Variants in DNAH5 observed in about 807,000 individuals in gnomAD.
DNAH5 encodes axonemal beta dynein heavy chain 5.
In DNAH5, 372 loss-of-function variants were observed where a neutral mutation model predicts 518.2. The ratio of observed to expected loss-of-function variants is 0.72; its 90% CI spans 0.66 to 0.78. The LOEUF is 0.78. DNAH5 is among the 30% of genes least tolerant of loss of function. The pLI, the probability that DNAH5 is intolerant of heterozygous loss-of-function variation, is 0.00. For missense variants in DNAH5, 5,523 were observed against 5,687.0 expected, an observed-to-expected ratio of 0.97 and a Z score of 0.93; for synonymous variants, 2,039 against 2,025.9, an observed-to-expected ratio of 1.01 and a Z score of -0.17.
At chr5:13,769,413 G>C in intron 57 of DNAH5, 88 bp downstream of exon 57, 1 of 1,091,708 alleles carries the variant, frequency 9.2e-7, no homozygotes, top group Non-Finnish European at 1.4e-6. Flanking sequence ...TACTTCACTA[G>C]TTATAGCCAG....
intron 43 of DNAH5, among the ~76,000 whole-genome samples, chr5:13,813,372 TA>T (rs1760972199): frequency 6.6e-6 from 1 of 151,170 alleles, no homozygotes; most frequent in African/African-American, 2.4e-5. Context: ...GGAAAAATCA[TA>T]TATATACATT....
chr5:13,962,896 T>G (rs189277), intron 1 of DNAH5, among the ~76,000 whole-genome samples: 6,713 of 152,124 alleles, frequency 0.044, 483 homozygotes, highest in African/African-American at 0.15. Context: ...AAAGACAAAC[T>G]GTCCCGGCAG....
At chr5:13,864,693 G>A in intron 27 of DNAH5, 56 bp from the exon 28 acceptor site, 1 of 1,587,414 alleles carries the variant, frequency 6.3e-7, no homozygotes. Context: ...GACATCACTG[G>A]ACCAAGACGG....
chr5:13,775,634 C>T (rs1753980143), intron 55 of DNAH5, among the ~76,000 whole-genome samples: 1 of 152,206 alleles, frequency 6.6e-6, no homozygotes, highest in African/African-American at 2.4e-5. Flanking sequence ...TCAGTTTCTC[C>T]TTCTCTAAAG....
chr5:13,718,980 G>A lies in DNAH5; in HGVS notation c.12401C>T (p.Ala4134Val), dbSNP rs30168. 0.42 allele frequency: 679,319 copies of A among 1,613,326 alleles called. 144,576 individuals are homozygous for A. The highest frequency in any genetic ancestry group is 0.54 in the African/African-American group (40,064 of 74,884). Residue 4134 changes from alanine (A) to valine (V), a missense_variant, in exon 72 of 79, where the codon GCT becomes GTT. Physicochemically the swap from Ala to Val is moderately conservative, Grantham distance 64. Coordinates refer to ENST00000265104, the MANE Select transcript of DNAH5 (RefSeq NM_001369.3). ...DAFRLWMTTEAHKQFPITLLQ... is the reference protein window; with the variant it reads ...DAFRLWMTTEVHKQFPITLLQ... ...GAGTGTAATGGGAAACTGCTTATGAGCCTCGGTGGTCATCCAGAGGCGGAA... is the reference window on the plus strand; with the variant it reads ...GAGTGTAATGGGAAACTGCTTATGAACCTCGGTGGTCATCCAGAGGCGGAA...
chr5:13,873,733 T>G (rs942250572), intron 22 of DNAH5, among the ~76,000 whole-genome samples: 5 of 152,160 alleles, frequency 3.3e-5, no homozygotes, highest in Non-Finnish European at 7.3e-5. Context: ...ACTCCTGGCT[T>G]CAAGTGATCC....
chr5:13,927,076 A>G (rs1214977470), intron 3 of DNAH5, among the ~76,000 whole-genome samples: 1 of 152,094 alleles, frequency 6.6e-6, no homozygotes, highest in Non-Finnish European at 1.5e-5. Flanking sequence ...GGATGTATAT[A>G]ATATTTTAAT....
chr5:13,846,345 TA>T lies in DNAH5; in HGVS notation c.5115-1353del, dbSNP rs374961531. Among the ~76,000 whole-genome samples the T allele has an allele frequency of 3.5e-3, 533 of 152,268 alleles. 4 individuals are homozygous for T. Among genetic ancestry groups the T allele is most frequent in the African/African-American group, 0.012 (500 of 41,546 alleles). ...GTTCACTTCTTTGTGAACATTGTATTATTTCCTGTGTAAAATTATAAGGAAA... is the reference window on the plus strand; with the variant it reads ...GTTCACTTCTTTGTGAACATTGTATTTTTCCTGTGTAAAATTATAAGGAAA... On this transcript the variant is annotated intron_variant, in intron 31 of 78. Transcript: ENST00000265104.
At chr5:13,750,601 T>C (rs969175489) in intron 65 of DNAH5, among the ~76,000 whole-genome samples, 1 of 152,196 alleles carries the variant, frequency 6.6e-6, no homozygotes, top group Non-Finnish European at 1.5e-5. Flanking sequence ...AGGGCTCTCT[T>C]AGATCACAAA....
chr5:13,977,623 G>T (rs1393732865), intron 1 of DNAH5, among the ~76,000 whole-genome samples: 7 of 151,854 alleles, frequency 4.6e-5, no homozygotes, highest in African/African-American at 1.7e-4. Context: ...TGCCTCACTG[G>T]TTCACTGCCA....
chr5:13,792,116 T>A lies in DNAH5; in HGVS notation c.8326A>T (p.Met2776Leu). 3.1e-6 allele frequency: 5 copies of A among 1,614,072 alleles called. No individual in the cohort carries two copies. Among genetic ancestry groups the A allele is most frequent in the Non-Finnish European group, 4.2e-6 (5 of 1,179,986 alleles). The change falls in exon 50 of 79, where the codon ATG (methionine) becomes TTG (leucine). Residue 2776 changes from methionine to leucine, a missense_variant. Met to Leu is a conservative substitution (Grantham distance 15). Coordinates refer to ENST00000265104, the MANE Select transcript of DNAH5 (RefSeq NM_001369.3). ...LVPLTRRLWQ[M>L]TKIKMLPTPA... ...GTAGGAAGCATTTTAATCTTGGTCA[T>A]CTGCCATAGTCGGCGTGTCAGAGGC...
Position 13,931,215 on chromosome 5 carries a change from C to T in DNAH5, c.87G>A (p.Lys29=), listed in dbSNP as rs2152009000. 6.2e-7 allele frequency: 1 copy of T among 1,614,144 alleles called. No individual in the cohort carries two copies. Among genetic ancestry groups the T allele is most frequent in the Non-Finnish European group, 8.5e-7 (1 of 1,179,968 alleles). Residue 29 remains lysine, a synonymous_variant, in exon 2 of 79, where the codon AAG becomes AAA. Coordinates refer to ENST00000265104, the MANE Select transcript of DNAH5 (RefSeq NM_001369.3). The part of the protein sequence containing the change: ...TQRLKGEKEA[K]RALLDARHNY... ...TATGCCTCGCATCCAAAAGAGCCCG[C>T]TTGGCTTCCTTCTCTCCCTTCAGTC...
Position 13,762,703 on chromosome 5 carries a change from G to T in DNAH5, c.10281+19C>A. The T allele has an allele frequency of 6.2e-7, 1 of 1,612,666 alleles. No homozygotes were observed. The highest frequency in any genetic ancestry group is 8.5e-7 in the Non-Finnish European group (1 of 1,179,046). ...ACTCCGCCCAGCCACCTTCACCCAGGTCTGCCTAGCAGGCTTACCTTCAGA... is the reference window on the plus strand; with the variant it reads ...ACTCCGCCCAGCCACCTTCACCCAGTTCTGCCTAGCAGGCTTACCTTCAGA... On this transcript the variant is annotated intron_variant, in intron 60 of 78. Coordinates refer to ENST00000265104, the MANE Select transcript of DNAH5 (RefSeq NM_001369.3).
intron 21 of DNAH5, among the ~76,000 whole-genome samples, chr5:13,877,834 A>T (rs58025398): frequency 6.6e-6 from 1 of 152,144 alleles, no homozygotes; most frequent in African/African-American, 2.4e-5. Context: ...TAGACACACA[A>T]GAGTCTCTCT....
intron 76 of DNAH5, among the ~76,000 whole-genome samples, chr5:13,702,419 T>C (rs1160989009): frequency 6.6e-6 from 1 of 152,218 alleles, no homozygotes; most frequent in African/African-American, 2.4e-5. Flanking sequence ...TATAGGTCTG[T>C]TAACTAAAAG....
intron 55 of DNAH5, among the ~76,000 whole-genome samples, chr5:13,772,086 G>A (rs1753419853): frequency 6.6e-6 from 1 of 152,072 alleles, no homozygotes; most frequent in Non-Finnish European, 1.5e-5. Flanking sequence ...TACAAAGAAC[G>A]GTTTAAACTC....
Position 13,810,049 on chromosome 5 carries a change from G to A in DNAH5, c.7609+10C>T, listed in dbSNP as rs2127012668. The A allele has an allele frequency of 6.4e-7, 1 of 1,551,044 alleles. No individual in the cohort carries two copies. On this transcript the variant is annotated intron_variant, in intron 45 of 78. Coordinates refer to ENST00000265104, the MANE Select transcript of DNAH5 (RefSeq NM_001369.3). The stretch of plus-strand genomic sequence containing the variant: ...CCATGGGTTCCGTCTGGACGGGCAG[G>A]TGTCCTCACCATCGGGCGCCACATA...
intron 38 of DNAH5, among the ~76,000 whole-genome samples, chr5:13,828,057 G>A (rs780860129): frequency 2.0e-5 from 3 of 152,162 alleles, no homozygotes; most frequent in Non-Finnish European, 1.5e-5. Context: ...TTAGCAGCAT[G>A]AGAACAGACT....
intron 65 of DNAH5, among the ~76,000 whole-genome samples, chr5:13,746,503 T>C (rs1210712075): frequency 6.6e-6 from 1 of 152,152 alleles, no homozygotes; most frequent in African/African-American, 2.4e-5. Context: ...GCACCTGGCC[T>C]GTTAGTAAGA....
Sources: gnomAD v4.1 joint callset for allele counts (sites outside exome capture counted in the v4.1 genomes callset) on GRCh38, gnomAD v4.1.1 for gene constraint, MANE v1.5 for transcripts, NCBI Gene and HGNC (gene_info 2026-07-23, HGNC 2026-07-21) for gene names.